SPANXN2: variants seen among roughly 807,000 people sequenced by gnomAD.
The protein encoded by SPANXN2 is sperm protein associated with the nucleus on the X chromosome N2.
A neutral mutation model predicts 2.0 loss-of-function variants in SPANXN2; 1 was observed. That is an observed-to-expected ratio of 0.50 (90% CI 0.18 to 2.36). SPANXN2 has a LOEUF of 2.36. Ranked by LOEUF, SPANXN2 falls within the 30% of genes most tolerant of loss-of-function variation. The probability of loss-of-function intolerance (pLI) is 0.26; values close to 1 mark genes in which losing one functional copy is unlikely to be tolerated. For missense variants in SPANXN2, 88 were observed against 116.7 expected (o/e 0.75, Z 1.13); for synonymous variants, 43 against 49.8 (o/e 0.86, Z 0.58).
chrX:143,719,319 C>T (rs1286553296), intron 1 of SPANXN2, among the ~76,000 whole-genome samples: 1 of 111,322 alleles, frequency 9.0e-6, no homozygotes, highest in Admixed American at 9.6e-5. Flanking sequence ...CAAACAATTC[C>T]CTCAACTGCA....
intron 1 of SPANXN2, among the ~76,000 whole-genome samples, chrX:143,719,946 C>T (rs782748136): frequency 4.5e-5 from 5 of 110,381 alleles, no homozygotes; most frequent in Admixed American, 9.7e-5. Flanking sequence ...AGGCAGCCAC[C>T]CAGCAACACA....
At chrX:143,712,257 T>C (rs1345106724) in exon 2 of SPANXN2, 2 of 1,211,103 alleles carry the variant, frequency 1.7e-6, no homozygotes, top group Non-Finnish European at 2.2e-6. Context: ...CCTGTGAAGA[T>C]CCTTCAGATG....
At chrX:143,715,216 A>G (rs782614683) in intron 1 of SPANXN2, among the ~76,000 whole-genome samples, 55 of 111,105 alleles carry the variant, frequency 5.0e-4, no homozygotes, top group Admixed American at 1.1e-3. Flanking sequence ...TTGGATACTC[A>G]ATAGGACAAC....
At chrX:143,715,827 A>G (rs2124006245) in intron 1 of SPANXN2, among the ~76,000 whole-genome samples, 1 of 111,082 alleles carries the variant, frequency 9.0e-6, no homozygotes, top group South Asian at 3.9e-4. Context: ...GTACCAATCC[A>G]TCTAGTGGTC....
chrX:143,714,300 G>T (rs1227415172), intron 1 of SPANXN2, among the ~76,000 whole-genome samples: 2 of 111,705 alleles, frequency 1.8e-5, no homozygotes, highest in Non-Finnish European at 3.8e-5. Context: ...ATTGAAAGGA[G>T]ACTTGACTCC....
chrX:143,715,206 T>C (rs1472303989), intron 1 of SPANXN2, among the ~76,000 whole-genome samples: 2 of 111,258 alleles, frequency 1.8e-5, no homozygotes, highest in African/African-American at 6.6e-5. Context: ...GTCTTTCCTA[T>C]TGGATACTCA....
intron 1 of SPANXN2, among the ~76,000 whole-genome samples, chrX:143,717,753 A>G (rs1402231976): frequency 1.8e-5 from 2 of 112,046 alleles, no homozygotes; most frequent in Non-Finnish European, 3.8e-5. Flanking sequence ...ACTTCCCCTC[A>G]GGAAGCTATC....
At chrX:143,720,610 T>G in exon 1 of SPANXN2, 7 of 1,211,037 alleles carry the variant, frequency 5.8e-6, no homozygotes, top group African/African-American at 1.7e-5. Context: ...TTTTTTGTTA[T>G]TGGATTCACA....
intron 1 of SPANXN2, among the ~76,000 whole-genome samples, chrX:143,720,354 A>C (rs782172306): frequency 0.02 from 2,034 of 100,238 alleles, 81 homozygotes; most frequent in African/African-American, 0.072. Context: ...AGGACCAAAC[A>C]GCCTGATCAT....
chrX:143,711,960 T>G, exon 2 of SPANXN2: 2 of 1,196,572 alleles, frequency 1.7e-6, no homozygotes, highest in Non-Finnish European at 2.3e-6. Context: ...GGTCATCAGC[T>G]CCTCAAACTT....
intron 1 of SPANXN2, among the ~76,000 whole-genome samples, chrX:143,717,052 C>G (rs1423153934): frequency 7.1e-5 from 8 of 112,223 alleles, no homozygotes; most frequent in East Asian, 2.8e-4. Context: ...GTTAATGGAA[C>G]CTCTTTTAGG....
chrX:143,712,556 G>T, intron 1 of SPANXN2, 57 bp from the exon 2 acceptor site: 1 of 1,080,132 alleles, frequency 9.3e-7, no homozygotes. Context: ...ATAGGGTAGA[G>T]ACTGGATAGC....
rs138946530 is a variant in SPANXN2, at chrX:143,718,745, A to G, written c.78+1846T>C. ...AGATCTTTCCTGGTTTCCCTTCCCC[A>G]TGACCCTGAATAGTCCAGGCCAATT... On this transcript the variant is annotated intron_variant, in intron 1 of 1. Coordinates refer to ENST00000598475, the Ensembl canonical transcript of SPANXN2. Among the ~76,000 whole-genome samples the G allele has an allele frequency of 7.2e-5, 8 of 111,334 alleles. No individual in the cohort carries two copies. The East Asian group carries it at 2.3e-3, about 32-fold the overall frequency.
Position 143,720,705 on chromosome X carries a change from T to A in SPANXN2, c.-37A>T. The A allele has an allele frequency of 8.4e-7, 1 of 1,186,816 alleles. No individual in the cohort carries two copies. The highest frequency in any genetic ancestry group is 1.8e-5 in the South Asian group (1 of 56,218). On this transcript the variant is annotated 5_prime_UTR_variant, in exon 1 of 2. The change creates a new upstream start codon in the 5' untranslated region. Transcript: ENST00000598475. ...GTTGTAGAATGTCTATAGTAGGCTC[T>A]TGTAGACTGCAGACTTCCACAGCTA...
chrX:143,720,695 T>C (rs1379678004), exon 1 of SPANXN2: 5 of 1,196,500 alleles, frequency 4.2e-6, no homozygotes, highest in African/African-American at 1.8e-5. Context: ...AGAATGTCTA[T>C]AGTAGGCTCT....
At chrX:143,718,342 G>A (rs188054965) in intron 1 of SPANXN2, among the ~76,000 whole-genome samples, 34 of 110,409 alleles carry the variant, frequency 3.1e-4, no homozygotes, top group African/African-American at 8.3e-4. Context: ...AAGACAGTAC[G>A]CAAATGCTTA....
intron 1 of SPANXN2, among the ~76,000 whole-genome samples, chrX:143,712,818 G>C (rs1177164622): frequency 8.9e-6 from 1 of 111,797 alleles, no homozygotes; most frequent in East Asian, 2.8e-4. Flanking sequence ...GGCGGACAAA[G>C]GCCCAACTAA....
At chrX:143,718,493 C>T (rs1339547005) in intron 1 of SPANXN2, among the ~76,000 whole-genome samples, 7 of 111,184 alleles carry the variant, frequency 6.3e-5, no homozygotes, top group African/African-American at 2.3e-4. Context: ...CTAACTACTC[C>T]CACAGCGCCA....
At chrX:143,718,806 C>T (rs1205491242) in intron 1 of SPANXN2, among the ~76,000 whole-genome samples, 3 of 111,211 alleles carry the variant, frequency 2.7e-5, no homozygotes, top group Non-Finnish European at 5.7e-5. Context: ...CTTCAGGGCA[C>T]CTTCCAAAAT....
Sources: allele counts gnomAD v4.1 joint callset (sites outside exome capture counted in the v4.1 genomes callset), GRCh38; gene constraint gnomAD v4.1.1; transcripts MANE v1.5; gene names NCBI Gene and HGNC (gene_info 2026-07-23, HGNC 2026-07-21).